Variants in CORIN observed in about 807,000 individuals in gnomAD.
CORIN encodes corin, serine peptidase, also known as atrial natriuretic peptide-converting enzyme.
Under a neutral mutation model 125.3 loss-of-function variants are expected in CORIN, and 117 were observed. The ratio of observed to expected loss-of-function variants is 0.93; its 90% CI spans 0.80 to 1.09. CORIN has a LOEUF of 1.09. Among genes scored for constraint, CORIN ranks in the 50% least tolerant of loss-of-function variants. CORIN has a pLI of 0.00. For synonymous variants in CORIN, 450 were observed against 466.4 expected (o/e 0.96, Z 0.45); for missense variants, 1,253 against 1,306.7 (o/e 0.96, Z 0.63).
intron 5 of CORIN, among the ~76,000 whole-genome samples, chr4:47,716,114 G>C (rs958761547): frequency 6.6e-6 from 1 of 152,166 alleles, no homozygotes; most frequent in African/African-American, 2.4e-5. Context: ...TAGTAAATTG[G>C]TTGTTTACTT....
At chr4:47,697,949 C>A (rs1258681981) in intron 5 of CORIN, among the ~76,000 whole-genome samples, 1 of 151,926 alleles carries the variant, frequency 6.6e-6, no homozygotes, top group Non-Finnish European at 1.5e-5. Flanking sequence ...ACGCCTTCCT[C>A]CATCTGCAAG....
chr4:47,642,810 G>A (rs1723288152), intron 15 of CORIN: 1 of 1,440,190 alleles, frequency 6.9e-7, no homozygotes, highest in Admixed American at 2.8e-5. Flanking sequence ...GCAGGTAGAG[G>A]TGACAAAAGA....
rs1722788011 is a variant in CORIN, at chr4:47,631,160, G to GCTC, written c.2199-4640_2199-4639insGAG. 4.8e-5 allele frequency among the ~76,000 whole-genome samples: 4 copies of GCTC among 83,424 alleles called. No individual in the cohort carries two copies. The Admixed American group carries it at 6.3e-4, about 13-fold the overall frequency. The allele number at this position is 83,424 out of a possible 152,430, so 54.7% of individuals were successfully genotyped here. On this transcript the variant is annotated intron_variant, in intron 16 of 21. Transcript: ENST00000273857. ...TAACATCCCTGGCTTCTACCCACTA[G>GCTC]CAAGTAAGACCCCATCAACCCTGGA...
chr4:47,651,968 G>A (rs1487279850), intron 13 of CORIN, among the ~76,000 whole-genome samples: 1 of 151,992 alleles, frequency 6.6e-6, no homozygotes, highest in East Asian at 1.9e-4. Context: ...ACAAATTTAG[G>A]TCTAGCCACC....
At chr4:47,688,983 T>A (rs2109734203) in intron 6 of CORIN, among the ~76,000 whole-genome samples, 1 of 152,354 alleles carries the variant, frequency 6.6e-6, no homozygotes, top group Middle Eastern at 3.4e-3. Context: ...TATCAATTTT[T>A]ATTTTGTGCT....
intron 2 of CORIN, among the ~76,000 whole-genome samples, chr4:47,787,284 C>T (rs1730859430): frequency 6.6e-6 from 1 of 152,132 alleles, no homozygotes; most frequent in Non-Finnish European, 1.5e-5. Flanking sequence ...AATCTTACAG[C>T]ATTCTCTTTC....
intron 10 of CORIN, among the ~76,000 whole-genome samples, chr4:47,666,786 C>A (rs1724504986): frequency 6.6e-6 from 1 of 152,194 alleles, no homozygotes; most frequent in Non-Finnish European, 1.5e-5. Context: ...CTGCCAGCAT[C>A]CTGATCCTGC....
At chr4:47,722,632 A>T (rs918171790) in intron 5 of CORIN, among the ~76,000 whole-genome samples, 1 of 152,212 alleles carries the variant, frequency 6.6e-6, no homozygotes, top group Non-Finnish European at 1.5e-5. Flanking sequence ...AAACCCCGAA[A>T]GCAGAGGACC....
chr4:47,783,365 A>G (rs1361049723), intron 3 of CORIN, among the ~76,000 whole-genome samples: 2 of 152,158 alleles, frequency 1.3e-5, no homozygotes, highest in Non-Finnish European at 2.9e-5. Context: ...CAGATGTCAC[A>G]TAAAGCTTAT....
At chr4:47,609,587 ATT>A (rs33915844) in intron 19 of CORIN, among the ~76,000 whole-genome samples, 1 of 150,808 alleles carries the variant, frequency 6.6e-6, no homozygotes, top group Non-Finnish European at 1.5e-5. Flanking sequence ...AGGTAAACGG[ATT>A]TTTTTTTTCT....
Position 47,683,799 on chromosome 4 carries a change from C to T in CORIN, c.953G>A (p.Cys318Tyr), listed in dbSNP as rs769848962. 4.3e-6 allele frequency: 7 copies of T among 1,613,534 alleles called. No individual in the cohort carries two copies. The highest frequency in any genetic ancestry group is 4.0e-5 in the African/African-American group (3 of 74,910). Residue 318 changes from cysteine to tyrosine, a missense_variant, in exon 7 of 22, where the codon TGC becomes TAC. By Grantham distance (194) the Cys-to-Tyr change is radical. Coordinates refer to ENST00000273857, the MANE Select transcript of CORIN (RefSeq NM_006587.4). ...ATCACACACAAGGCTGTAATTAAGG[C>T]ACTTGCCTGTGTGACAGTGAAACAG... ...ENLFHCHTGKCLNYSLVCDGY... is the reference protein window; with the variant it reads ...ENLFHCHTGKYLNYSLVCDGY...
chr4:47,664,232 G>C (rs1724374018), intron 11 of CORIN, among the ~76,000 whole-genome samples: 1 of 152,192 alleles, frequency 6.6e-6, no homozygotes, highest in Non-Finnish European at 1.5e-5. Context: ...ACATGGCGCA[G>C]CAAAGGGACA....
At chr4:47,605,320 A>T (rs1342746185) in intron 19 of CORIN, among the ~76,000 whole-genome samples, 2 of 152,096 alleles carry the variant, frequency 1.3e-5, no homozygotes, top group African/African-American at 4.8e-5. Context: ...TCACTGCTTT[A>T]TTCACAGGGC....
At chr4:47,606,415 C>T (rs1372293181) in intron 19 of CORIN, among the ~76,000 whole-genome samples, 1 of 152,056 alleles carries the variant, frequency 6.6e-6, no homozygotes, top group East Asian at 1.9e-4. Flanking sequence ...ACCACCATAT[C>T]TGACTAAATT....
intron 19 of CORIN, among the ~76,000 whole-genome samples, chr4:47,610,246 T>C (rs1721820643): frequency 6.6e-6 from 1 of 152,222 alleles, no homozygotes; most frequent in South Asian, 2.1e-4. Context: ...CCCTTTTTCT[T>C]CACAGTCTTG....
At chr4:47,708,495 T>C (rs895485712) in intron 5 of CORIN, among the ~76,000 whole-genome samples, 1 of 152,204 alleles carries the variant, frequency 6.6e-6, no homozygotes, top group African/African-American at 2.4e-5. Context: ...ATTTCCATCT[T>C]CAACTTCAAT....
intron 16 of CORIN, among the ~76,000 whole-genome samples, chr4:47,630,684 ATT>A (rs1462182464): frequency 6.6e-6 from 1 of 152,168 alleles, no homozygotes; most frequent in African/African-American, 2.4e-5. Context: ...GTTAAAGAAA[ATT>A]TCTCTCCTCC....
At chr4:47,769,146 C>T (rs10028438) in intron 3 of CORIN, among the ~76,000 whole-genome samples, 6,636 of 151,978 alleles carry the variant, frequency 0.044, 444 homozygotes, top group African/African-American at 0.15. Flanking sequence ...TCAAAATCAA[C>T]ATAAAAAATC....
chr4:47,775,448 T>G (rs1181318546), intron 3 of CORIN, among the ~76,000 whole-genome samples: 1 of 152,168 alleles, frequency 6.6e-6, no homozygotes, highest in African/African-American at 2.4e-5. Flanking sequence ...AATTCCCACC[T>G]ATGAGTGAGA....
Sources: gnomAD v4.1 joint callset for allele counts (sites outside exome capture counted in the v4.1 genomes callset) on GRCh38, gnomAD v4.1.1 for gene constraint, MANE v1.5 for transcripts, NCBI Gene and HGNC (gene_info 2026-07-23, HGNC 2026-07-21) for gene names.